Variants in SLX4IP observed in about 807,000 individuals in gnomAD.
SLX4IP encodes SLX4 interacting protein.
Under a neutral mutation model 32.9 loss-of-function variants are expected in SLX4IP, and 34 were observed. That is an observed-to-expected ratio of 1.03 (90% CI 0.79 to 1.38). The LOEUF is 1.38. SLX4IP is among the 40% of genes most tolerant of loss of function. The pLI is 0.00. For synonymous variants in SLX4IP, 172 were observed against 171.7 expected, an observed-to-expected ratio of 1.00 and a Z score of -0.01; for missense variants, 444 against 479.0, an observed-to-expected ratio of 0.93 and a Z score of 0.68.
At chr20:10,449,038 T>G (rs2122327963) in intron 1 of SLX4IP, among the ~76,000 whole-genome samples, 1 of 152,310 alleles carries the variant, frequency 6.6e-6, no homozygotes, top group South Asian at 2.1e-4. Flanking sequence ...TAAGTATGAT[T>G]TTACCATATT....
chr20:10,561,870 G>T (rs770776661), intron 4 of SLX4IP, among the ~76,000 whole-genome samples: 1 of 152,200 alleles, frequency 6.6e-6, no homozygotes, highest in African/African-American at 2.4e-5. Flanking sequence ...CATCGTGTAT[G>T]TGTGCCGGAC....
chr20:10,582,158 G>A (rs1426888749), intron 4 of SLX4IP, among the ~76,000 whole-genome samples: 1 of 152,144 alleles, frequency 6.6e-6, no homozygotes, highest in Non-Finnish European at 1.5e-5. Context: ...TGGAATGACA[G>A]GGCTGTGTGT....
intron 6 of SLX4IP, among the ~76,000 whole-genome samples, chr20:10,615,484 A>T (rs2067015277): frequency 6.6e-6 from 1 of 151,986 alleles, no homozygotes; most frequent in Non-Finnish European, 1.5e-5. Flanking sequence ...ATCCAAAGTC[A>T]TTTCCTAGTA....
intron 2 of SLX4IP, among the ~76,000 whole-genome samples, chr20:10,494,525 T>C (rs1568708803): frequency 6.6e-6 from 1 of 151,978 alleles, no homozygotes; most frequent in Non-Finnish European, 1.5e-5. Context: ...TATAGTTTTC[T>C]CTTTTAATTA....
chr20:10,535,901 A>G (rs1040534418), intron 2 of SLX4IP, among the ~76,000 whole-genome samples: 4 of 152,230 alleles, frequency 2.6e-5, no homozygotes, highest in African/African-American at 9.6e-5. Flanking sequence ...TCAAAGGGGT[A>G]AGGATTTTGG....
In SLX4IP at chr20:10,627,106, C is replaced by T. The variant is rs1014080641; in HGVS notation, c.*3727C>T. The T allele has an allele frequency of 6.6e-6, 1 of 152,274 alleles. No homozygotes were observed. The highest frequency in any genetic ancestry group is 1.5e-5 in the Non-Finnish European group (1 of 68,026). 9.4% of individuals were successfully genotyped at this position (152,274 alleles called of 1,614,324 possible). ...TTCCTTGAATTCCTTCTTGGCAGAC[C>T]TTACTGTAATATTACACAAAACTGT... On this transcript the variant is annotated 3_prime_UTR_variant, in exon 8 of 8. Coordinates refer to ENST00000334534, the MANE Select transcript of SLX4IP (RefSeq NM_001009608.3).
intron 1 of SLX4IP, among the ~76,000 whole-genome samples, chr20:10,452,664 CAAA>C (rs71332999): frequency 1.4e-3 from 169 of 117,900 alleles, no homozygotes; most frequent in African/African-American, 5.2e-3. Context: ...GAAACTGTCT[CAAA>C]AAAAAAAAAA....
At chr20:10,560,922 A>G in intron 4 of SLX4IP, 102 bp downstream of exon 4, 1 of 1,153,118 alleles carries the variant, frequency 8.7e-7, no homozygotes, top group Non-Finnish European at 1.1e-6. Context: ...TAGTATAGTG[A>G]TACATTTTAA....
chr20:10,552,020 C>T (rs1004569066), intron 2 of SLX4IP, among the ~76,000 whole-genome samples: 1 of 152,160 alleles, frequency 6.6e-6, no homozygotes, highest in Non-Finnish European at 1.5e-5. Context: ...TGAGAACGCT[C>T]TAAAAAATTA....
chr20:10,518,460 TTCC>T (rs1415215567), intron 2 of SLX4IP, among the ~76,000 whole-genome samples: 4 of 44,276 alleles, frequency 9.0e-5, no homozygotes, highest in Non-Finnish European at 1.9e-4. Context: ...CCTTCCTTCC[TTCC>T]TTTCCTTTCT....
chr20:10,467,734 C>T (rs1030136070), intron 2 of SLX4IP, among the ~76,000 whole-genome samples: 1 of 152,192 alleles, frequency 6.6e-6, no homozygotes, highest in African/African-American at 2.4e-5. Flanking sequence ...AAAGTTTTCA[C>T]ACCAGCAGTC....
Position 10,623,457 on chromosome 20 carries a change from C to T in SLX4IP, c.*78C>T, listed in dbSNP as rs779855132. 77 of 1,503,962 alleles carry T rather than the reference C, an allele frequency of 5.1e-5. No homozygotes were observed. Among genetic ancestry groups the T allele is most frequent in the Non-Finnish European group, 6.6e-5 (74 of 1,127,212 alleles). The allele number at this position is 1,503,962 out of a possible 1,614,324, so 93.2% of individuals were successfully genotyped here. On this transcript the variant is annotated 3_prime_UTR_variant, in exon 8 of 8. Transcript: ENST00000334534. ...ACAAGAGAGCTGCGAATATAGATGCCGGGATTTTAAAGGAATTAATTAGAA... is the reference window on the plus strand; with the variant it reads ...ACAAGAGAGCTGCGAATATAGATGCTGGGATTTTAAAGGAATTAATTAGAA...
At chr20:10,504,450 G>A (rs1033673974) in intron 2 of SLX4IP, among the ~76,000 whole-genome samples, 1 of 152,138 alleles carries the variant, frequency 6.6e-6, no homozygotes, top group Non-Finnish European at 1.5e-5. Context: ...TCCTAGACCC[G>A]CTTCCTGGCC....
rs776630772 is a variant in SLX4IP at position 10,598,735 on chromosome 20, G to A, written c.299G>A (p.Arg100Lys). ...LKRGIRLRCIRSTQNAELCVF... is the reference protein window; with the variant it reads ...LKRGIRLRCIKSTQNAELCVF... ...AGAGGGATACGCCTTCGCTGCATCAGGAGCACACAGAATGCTGGTAAGAAG... is the reference window on the plus strand; with the variant it reads ...AGAGGGATACGCCTTCGCTGCATCAAGAGCACACAGAATGCTGGTAAGAAG... Residue 100 changes from arginine (R) to lysine (K), a missense_variant, in exon 5 of 8, where the codon AGG becomes AAG. Arg to Lys is a conservative substitution (Grantham distance 26, BLOSUM62 2). Coordinates refer to ENST00000334534, the MANE Select transcript of SLX4IP (RefSeq NM_001009608.3). 1.2e-6 allele frequency: 2 copies of A among 1,614,098 alleles called. No homozygotes were observed. Among genetic ancestry groups the A allele is most frequent in the South Asian group, 2.2e-5 (2 of 91,084 alleles).
At chr20:10,557,925 G>A (rs1449225612) in intron 3 of SLX4IP, among the ~76,000 whole-genome samples, 1 of 152,188 alleles carries the variant, frequency 6.6e-6, no homozygotes, top group Non-Finnish European at 1.5e-5. Context: ...TGCAGTGCAT[G>A]ACAGGACCTG....
At chr20:10,495,915 T>C (rs944249394) in intron 2 of SLX4IP, among the ~76,000 whole-genome samples, 1 of 152,134 alleles carries the variant, frequency 6.6e-6, no homozygotes, top group Non-Finnish European at 1.5e-5. Context: ...ATTTGGTTGA[T>C]TTTTAATTTT....
chr20:10,625,779 C>G lies in SLX4IP; in HGVS notation c.*2400C>G, dbSNP rs1311050088. Reference sequence around the variant, plus strand: ...TTAACAGGATTTACAGAGGGAATGGCTCTCAGTTCCCACACTGTGACATGT... The same window carrying G: ...TTAACAGGATTTACAGAGGGAATGGGTCTCAGTTCCCACACTGTGACATGT... On this transcript the variant is annotated 3_prime_UTR_variant, in exon 8 of 8. Coordinates refer to ENST00000334534, the MANE Select transcript of SLX4IP (RefSeq NM_001009608.3). 6.6e-6 allele frequency: 1 copy of G among 152,190 alleles called. No homozygotes were observed. The highest frequency in any genetic ancestry group is 1.5e-5 in the Non-Finnish European group (1 of 68,036). 9.4% of individuals were successfully genotyped at this position (152,190 alleles called of 1,614,324 possible). A position where few individuals can be genotyped will look rare whatever the true frequency, so the allele number is the denominator to read the frequency against.
chr20:10,613,658 A>T, intron 6 of SLX4IP: 1 of 1,613,680 alleles, frequency 6.2e-7, no homozygotes, highest in Non-Finnish European at 8.5e-7. Flanking sequence ...TTTTCTTTGC[A>T]TTCATCTTTT....
chr20:10,536,736 A>G (rs929137183), intron 2 of SLX4IP, among the ~76,000 whole-genome samples: 14 of 152,254 alleles, frequency 9.2e-5, no homozygotes, highest in African/African-American at 3.1e-4. Flanking sequence ...CAACTGTGCT[A>G]TGCCAGCTGG....
Sources: allele counts gnomAD v4.1 joint callset (sites outside exome capture counted in the v4.1 genomes callset), GRCh38; gene constraint gnomAD v4.1.1; transcripts MANE v1.5; gene names NCBI Gene and HGNC (gene_info 2026-07-23, HGNC 2026-07-21).